The following FAM83B variants were observed in gnomAD, a reference collection of about 807,000 sequenced individuals.
FAM83B encodes scaffolding CK1 anchoring protein B, also known as protein FAM83B.
Under a neutral mutation model 38.8 loss-of-function variants are expected in FAM83B, and 26 were observed. The observed-to-expected ratio is 0.67, with a 90% CI of 0.49 to 0.93. The LOEUF (loss-of-function observed/expected upper bound fraction) is 0.93. FAM83B is among the 40% of genes least tolerant of loss of function. FAM83B has a pLI of 0.00. For missense variants in FAM83B, 1,237 were observed against 1,197.3 expected, an observed-to-expected ratio of 1.03 and a Z score of -0.49; for synonymous variants, 419 against 423.1, an observed-to-expected ratio of 0.99 and a Z score of 0.12.
In FAM83B at chr6:54,906,716, A is replaced by G. The variant is rs191763028; in HGVS notation, c.445-19655A>G. ...CAATTATTTTTAGACTGAAAACTCAATCTAATGAAGTATAGTATATAGTTA... is the reference window on the plus strand; with the variant it reads ...CAATTATTTTTAGACTGAAAACTCAGTCTAATGAAGTATAGTATATAGTTA... On this transcript the variant is annotated intron_variant, in intron 2 of 4. Transcript: ENST00000306858. Among the ~76,000 whole-genome samples, 1,011 of 152,258 alleles carry G rather than the reference A, an allele frequency of 6.6e-3. 13 individuals carry two copies. Among genetic ancestry groups the G allele is most frequent in the African/African-American group, 0.023 (976 of 41,556 alleles).
At chr6:54,938,975 A>G (rs988370701) in intron 4 of FAM83B, among the ~76,000 whole-genome samples, 1 of 152,154 alleles carries the variant, frequency 6.6e-6, no homozygotes, top group African/African-American at 2.4e-5. Flanking sequence ...GTTATCATCT[A>G]GAATTGTTAT....
chr6:54,906,666 G>A (rs908527913), intron 2 of FAM83B, among the ~76,000 whole-genome samples: 1 of 152,092 alleles, frequency 6.6e-6, no homozygotes, highest in African/African-American at 2.4e-5. Flanking sequence ...TTACAGGCGT[G>A]AACCACCATG....
At chr6:54,847,490 G>T (rs938499837) in intron 1 of FAM83B, among the ~76,000 whole-genome samples, 1 of 152,102 alleles carries the variant, frequency 6.6e-6, no homozygotes, top group Non-Finnish European at 1.5e-5. Flanking sequence ...AGCTCTCCAG[G>T]AGAGCCTGTA....
At chr6:54,854,172 G>T (rs550786925) in intron 1 of FAM83B, among the ~76,000 whole-genome samples, 1 of 152,184 alleles carries the variant, frequency 6.6e-6, no homozygotes, top group African/African-American at 2.4e-5. Context: ...AAAGAAAGTG[G>T]ATTCTTGAGA....
chr6:54,914,070 A>G (rs564613947), intron 2 of FAM83B, among the ~76,000 whole-genome samples: 1 of 152,256 alleles, frequency 6.6e-6, no homozygotes, highest in African/African-American at 2.4e-5. Flanking sequence ...TCTGGTCCAC[A>G]CATTGCATTT....
chr6:54,867,396 A>G (rs1217452131), intron 1 of FAM83B, among the ~76,000 whole-genome samples: 3 of 152,032 alleles, frequency 2.0e-5, no homozygotes, highest in Non-Finnish European at 4.4e-5. Context: ...TTCCATGCAA[A>G]TAGCTCTTAT....
chr6:54,914,660 T>G (rs1003546735), intron 2 of FAM83B, among the ~76,000 whole-genome samples: 1 of 152,202 alleles, frequency 6.6e-6, no homozygotes, highest in Non-Finnish European at 1.5e-5. Flanking sequence ...CAAGTTTACA[T>G]TTTTGAATCT....
intron 4 of FAM83B, among the ~76,000 whole-genome samples, chr6:54,932,202 G>A (rs892318434): frequency 5.3e-5 from 8 of 152,018 alleles, no homozygotes; most frequent in Admixed American, 3.3e-4. Context: ...AGTAGAAACT[G>A]GGTTTCACCA....
chr6:54,944,855 A>G lies in FAM83B; in HGVS notation c.*2848A>G, dbSNP rs1773768306. ...GTAGATCCTGGGTTCTAGAATATTTAAAACAAAAGGATAAAATGATAAACC... is the reference window on the plus strand; with the variant it reads ...GTAGATCCTGGGTTCTAGAATATTTGAAACAAAAGGATAAAATGATAAACC... On this transcript the variant is annotated 3_prime_UTR_variant, in exon 5 of 5. Transcript: ENST00000306858. The G allele has an allele frequency of 6.6e-6, 1 of 152,178 alleles. No individual in the cohort carries two copies. Among genetic ancestry groups the G allele is most frequent in the Admixed American group, 6.5e-5 (1 of 15,274 alleles). 9.4% of individuals were successfully genotyped at this position (152,178 alleles called of 1,614,324 possible).
In FAM83B at chr6:54,940,236, G is replaced by T. The variant is rs1189790689; in HGVS notation, c.1265G>T (p.Ser422Ile). ...PPGNWKKPSDSLSVASSSREG... is the reference protein window; with the variant it reads ...PPGNWKKPSDILSVASSSREG... Reference sequence around the variant, plus strand: ...GGTAATTGGAAAAAGCCATCTGATAGTCTCAGTGTGGCGTCCTCATCACGG... The same window carrying T: ...GGTAATTGGAAAAAGCCATCTGATATTCTCAGTGTGGCGTCCTCATCACGG... The change falls in exon 5 of 5, where the codon AGT becomes ATT. Residue 422 changes from serine to isoleucine, a missense_variant. Ser to Ile is a moderately radical substitution (Grantham distance 142, BLOSUM62 -2). Coordinates refer to ENST00000306858, the MANE Select transcript of FAM83B (RefSeq NM_001010872.3). 6.2e-7 allele frequency: 1 copy of T among 1,614,062 alleles called. No homozygotes were observed. Among genetic ancestry groups the T allele is most frequent in the Admixed American group, 1.7e-5 (1 of 59,970 alleles).
intron 2 of FAM83B, among the ~76,000 whole-genome samples, chr6:54,885,954 A>T (rs1379622542): frequency 8.9e-6 from 1 of 112,552 alleles, no homozygotes; most frequent in Admixed American, 1.0e-4. Context: ...GTACCCTAAA[A>T]CTTAAAGTAT....
intron 2 of FAM83B, among the ~76,000 whole-genome samples, chr6:54,874,688 T>C (rs1771950190): frequency 6.6e-6 from 1 of 152,194 alleles, no homozygotes; most frequent in South Asian, 2.1e-4. Flanking sequence ...AATATCTGAA[T>C]GTTTAACCAC....
chr6:54,939,678 A>T (rs1773609471), intron 4 of FAM83B, 28 bp from the exon 5 acceptor site: 1 of 1,532,132 alleles, frequency 6.5e-7, no homozygotes, highest in Middle Eastern at 1.8e-4. Flanking sequence ...CTTTTAAATG[A>T]TTAAAATTTT....
chr6:54,934,640 T>C (rs1440159908), intron 4 of FAM83B, among the ~76,000 whole-genome samples: 1 of 152,156 alleles, frequency 6.6e-6, no homozygotes, highest in South Asian at 2.1e-4. Flanking sequence ...ATCCCAGTCA[T>C]GGTTTGTTTA....
At chr6:54,917,487 T>G (rs2127586214) in intron 2 of FAM83B, among the ~76,000 whole-genome samples, 1 of 152,272 alleles carries the variant, frequency 6.6e-6, no homozygotes, top group East Asian at 1.9e-4. Context: ...CATTTCTCAC[T>G]TTAATGCATA....
At chr6:54,847,898 C>T (rs546891177) in intron 1 of FAM83B, among the ~76,000 whole-genome samples, 2 of 152,208 alleles carry the variant, frequency 1.3e-5, no homozygotes, top group East Asian at 3.9e-4. Context: ...TAATGCTCAA[C>T]AGCTTATGTC....
intron 1 of FAM83B, among the ~76,000 whole-genome samples, chr6:54,857,461 G>A (rs1771470496): frequency 6.6e-6 from 1 of 152,156 alleles, no homozygotes; most frequent in East Asian, 1.9e-4. Context: ...TGGTGTTCAG[G>A]GAATTATGTA....
intron 1 of FAM83B, among the ~76,000 whole-genome samples, chr6:54,853,214 A>T (rs1275478806): frequency 6.6e-6 from 1 of 152,216 alleles, no homozygotes; most frequent in Admixed American, 6.5e-5. Context: ...TGTCTCCAAA[A>T]TGTAAATGTG....
chr6:54,896,109 C>G (rs978094316), intron 2 of FAM83B, among the ~76,000 whole-genome samples: 1 of 152,110 alleles, frequency 6.6e-6, no homozygotes, highest in Non-Finnish European at 1.5e-5. Flanking sequence ...CCTGGCTGGT[C>G]TCAAACTCCT....
Sources: gnomAD v4.1 joint callset for allele counts (sites outside exome capture counted in the v4.1 genomes callset) on GRCh38, gnomAD v4.1.1 for gene constraint, MANE v1.5 for transcripts, NCBI Gene and HGNC (gene_info 2026-07-23, HGNC 2026-07-21) for gene names.